The following ZZEF1 variants were observed in gnomAD, a reference collection of about 807,000 sequenced individuals.
The protein encoded by ZZEF1 is zinc finger ZZ-type and EF-hand domain containing 1.
In ZZEF1, 157 loss-of-function variants were observed where a neutral mutation model predicts 342.8. That is an observed-to-expected ratio of 0.46 (90% CI 0.40 to 0.52). ZZEF1 has a LOEUF of 0.52. Ranked by LOEUF, ZZEF1 falls within the 20% of genes least tolerant of loss-of-function variation. The pLI, the probability that ZZEF1 is intolerant of heterozygous loss-of-function variation, is 0.00. For missense variants in ZZEF1, 3,480 were observed against 3,725.6 expected (o/e 0.93, Z 1.72); for synonymous variants, 1,505 against 1,429.1 (o/e 1.05, Z -1.20).
intron 11 of ZZEF1, among the ~76,000 whole-genome samples, chr17:4,092,517 T>C (rs529419474): frequency 6.6e-6 from 1 of 152,158 alleles, no homozygotes; most frequent in South Asian, 2.1e-4. Flanking sequence ...GCCAGGCTGG[T>C]TTCTGACCTC....
chr17:4,039,786 G>A (rs1164723392), intron 39 of ZZEF1, among the ~76,000 whole-genome samples: 5 of 151,546 alleles, frequency 3.3e-5, no homozygotes, highest in Non-Finnish European at 5.9e-5. Flanking sequence ...TGGGACTACA[G>A]GCGCCCGCCA....
At chr17:4,098,794 C>T (rs1233874874) in intron 9 of ZZEF1, among the ~76,000 whole-genome samples, 1 of 152,188 alleles carries the variant, frequency 6.6e-6, no homozygotes, top group Non-Finnish European at 1.5e-5. Context: ...AAGGAAACTT[C>T]TCTAATTCAC....
At position 4,142,874 on chromosome 17, in the gene ZZEF1, T is replaced by C; in HGVS notation, c.22A>G (p.Ser8Gly). MGNAPSH[S>G]SEDEAAAAGG... ...GCAGCTGCCGCTTCGTCTTCACTGC[T>C]GTGACTCGGAGCGTTCCCCATGGGG... is the stretch of plus-strand genomic sequence containing the variant. Residue 8 changes from serine (S) to glycine (G), a missense_variant, in exon 1 of 55, where the codon AGC becomes GGC. Physicochemically the swap from Ser to Gly is moderately conservative, Grantham distance 56 (BLOSUM62 0). Coordinates refer to ENST00000381638, the MANE Select transcript of ZZEF1 (RefSeq NM_015113.4). 7.2e-7 allele frequency: 1 copy of C among 1,382,914 alleles called. No individual in the cohort carries two copies. The highest frequency in any genetic ancestry group is 9.3e-7 in the Non-Finnish European group (1 of 1,077,448). 85.7% of individuals were successfully genotyped at this position (1,382,914 alleles called of 1,614,324 possible).
chr17:4,064,886 G>C, intron 28 of ZZEF1, 57 bp from the exon 29 acceptor site: 1 of 1,320,838 alleles, frequency 7.6e-7, no homozygotes, highest in Non-Finnish European at 1.0e-6. Context: ...TATGGGGGAG[G>C]GGGAGGGGAG....
intron 33 of ZZEF1, 104 bp downstream of exon 33, chr17:4,056,112 C>T (rs1304534486): frequency 1.6e-5 from 21 of 1,285,720 alleles, no homozygotes; most frequent in Non-Finnish European, 2.1e-5. Flanking sequence ...TGAATGCCAC[C>T]TGCAGCCCTC....
At chr17:4,109,540 G>T in intron 6 of ZZEF1, 113 bp downstream of exon 6, 1 of 1,143,280 alleles carries the variant, frequency 8.7e-7, no homozygotes, top group Non-Finnish European at 1.3e-6. Flanking sequence ...CTGAGGCCGA[G>T]CTGACTGAGC....
chr17:4,112,233 C>T (rs2058324482), intron 5 of ZZEF1, among the ~76,000 whole-genome samples: 1 of 151,030 alleles, frequency 6.6e-6, no homozygotes, highest in South Asian at 2.1e-4. Context: ...GCAGCCATAG[C>T]TTCCTGGGTT....
At chr17:4,066,677 T>C (rs1222588466) in intron 27 of ZZEF1, 137 bp from the exon 28 acceptor site, 6 of 739,730 alleles carry the variant, frequency 8.1e-6, no homozygotes, top group Middle Eastern at 3.8e-4. Context: ...GGGTTTGTAA[T>C]ACTCACAACC....
chr17:4,086,574 T>G lies in ZZEF1; in HGVS notation c.2424A>C (p.Val808=). The change falls in exon 15 of 55, where the codon GTA becomes GTC. Residue 808 remains valine (V), a synonymous_variant. Transcript: ENST00000381638. ...CCTTTTCCTCCTCAGAAGCAGCCAG[T>G]ACATCTCCCTGCAGCACAGAGAAGC... ...QSCFSVLQGD[V]LAASEEEKAP... is the part of the protein sequence containing the mutation. 1.9e-6 allele frequency: 3 copies of G among 1,614,164 alleles called. No individual in the cohort carries two copies. The highest frequency in any genetic ancestry group is 2.5e-6 in the Non-Finnish European group (3 of 1,180,022).
chr17:4,029,469 C>T (rs777005305), intron 42 of ZZEF1, among the ~76,000 whole-genome samples: 2 of 151,614 alleles, frequency 1.3e-5, no homozygotes, highest in Non-Finnish European at 2.9e-5. Context: ...TGAGATGTTC[C>T]TACTGAATCC....
At chr17:4,126,511 T>G (rs1020808363) in intron 1 of ZZEF1, among the ~76,000 whole-genome samples, 1 of 152,180 alleles carries the variant, frequency 6.6e-6, no homozygotes, top group Admixed American at 6.5e-5. Context: ...AAGTAGTACC[T>G]GGTTGGTTGA....
intron 32 of ZZEF1, among the ~76,000 whole-genome samples, chr17:4,057,770 A>G (rs1158047275): frequency 6.6e-6 from 1 of 152,202 alleles, no homozygotes; most frequent in Admixed American, 6.5e-5. Context: ...CATCACAACA[A>G]GCCTCGGAGG....
At chr17:4,025,619 C>G (rs956822407) in intron 42 of ZZEF1, among the ~76,000 whole-genome samples, 1 of 150,996 alleles carries the variant, frequency 6.6e-6, no homozygotes, top group Non-Finnish European at 1.5e-5. Context: ...GAGGTGGAGG[C>G]TGCGGTGAGC....
intron 6 of ZZEF1, 131 bp from the exon 7 acceptor site, chr17:4,105,940 C>A: frequency 1.5e-6 from 1 of 679,136 alleles, no homozygotes; most frequent in South Asian, 2.0e-5. Context: ...AGCTGGCACA[C>A]AATATAAACT....
At chr17:4,056,769 A>T (rs1234448053) in intron 32 of ZZEF1, 1 of 152,224 alleles carries the variant, frequency 6.6e-6, no homozygotes, top group East Asian at 1.9e-4. Flanking sequence ...CTGTGACTTC[A>T]GCTCTACCAC....
At chr17:4,054,593 T>A (rs75723048) in intron 33 of ZZEF1, among the ~76,000 whole-genome samples, 1 of 152,038 alleles carries the variant, frequency 6.6e-6, no homozygotes, top group Non-Finnish European at 1.5e-5. Flanking sequence ...AAAAAGGGGA[T>A]GAGAGACAGG....
At chr17:4,065,423 A>G (rs1239856106) in intron 28 of ZZEF1, among the ~76,000 whole-genome samples, 4 of 151,998 alleles carry the variant, frequency 2.6e-5, no homozygotes, top group Admixed American at 6.6e-5. Context: ...CAAAAAAACC[A>G]AAAAACGAAA....
rs757807489 is a variant in ZZEF1 at position 4,074,333 on chromosome 17, C to T, written c.3502G>A (p.Gly1168Ser). The T allele has an allele frequency of 1.7e-5, 28 of 1,613,942 alleles. No homozygotes were observed. The highest frequency in any genetic ancestry group is 2.7e-5 in the African/African-American group (2 of 74,870). Residue 1168 changes from glycine (G) to serine (S), a missense_variant, in exon 24 of 55, where the codon GGT (glycine) becomes AGT (serine). Gly to Ser is a moderately conservative substitution (Grantham distance 56). Coordinates refer to ENST00000381638, the MANE Select transcript of ZZEF1 (RefSeq NM_015113.4). ...KWPKKVTFKA[G>S]PRLQFLFHSD... ...TGAAAGAGGAACTGCAACCGAGGACCGGCCTTGAAGGTCACTTTCTAGAGA... is the reference window on the plus strand; with the variant it reads ...TGAAAGAGGAACTGCAACCGAGGACTGGCCTTGAAGGTCACTTTCTAGAGA...
In ZZEF1 at chr17:4,059,246, T is replaced by A. The variant is rs1273951562; in HGVS notation, c.4928A>T (p.Glu1643Val). The part of the protein sequence containing the change: ...LEGCGADLHK[E>V]IRDTYYQLVL... Reference sequence around the variant, plus strand: ...AAGTTGATAGTAAGTGTCTCGAATTTCTTTGTGTAGATCAGCACCACAGCC... The same window carrying A: ...AAGTTGATAGTAAGTGTCTCGAATTACTTTGTGTAGATCAGCACCACAGCC... Residue 1643 changes from glutamate (E) to valine (V), a missense_variant, in exon 31 of 55, where the codon GAA becomes GTA. Transcript: ENST00000381638. 2.5e-6 allele frequency: 4 copies of A among 1,607,936 alleles called. No individual in the cohort carries two copies. Among genetic ancestry groups the A allele is most frequent in the Non-Finnish European group, 2.5e-6 (3 of 1,179,048 alleles).
Sources: allele counts gnomAD v4.1 joint callset (sites outside exome capture counted in the v4.1 genomes callset), GRCh38; gene constraint gnomAD v4.1.1; transcripts MANE v1.5; gene names NCBI Gene and HGNC (gene_info 2026-07-23, HGNC 2026-07-21).